VAV3: variants seen among roughly 807,000 people sequenced by gnomAD.
VAV3 encodes guanine nucleotide exchange factor VAV3.
A neutral mutation model predicts 131.2 loss-of-function variants in VAV3; 94 were observed. That is an observed-to-expected ratio of 0.72 (90% CI 0.61 to 0.85). The LOEUF (loss-of-function observed/expected upper bound fraction) is 0.85. Among genes scored for constraint, VAV3 ranks in the 40% least tolerant of loss-of-function variants. The probability of loss-of-function intolerance (pLI) is 0.00; values close to 1 mark genes in which losing one functional copy is unlikely to be tolerated. For synonymous variants in VAV3, 349 were observed against 342.0 expected, an observed-to-expected ratio of 1.02 and a Z score of -0.22; for missense variants, 939 against 1,002.7, an observed-to-expected ratio of 0.94 and a Z score of 0.86.
chr1:107,698,514 C>T (rs530225184), intron 17 of VAV3, among the ~76,000 whole-genome samples: 2 of 152,154 alleles, frequency 1.3e-5, no homozygotes, highest in African/African-American at 2.4e-5. Flanking sequence ...TTTTGACTTA[C>T]GATAGTTTCC....
intron 1 of VAV3, among the ~76,000 whole-genome samples, chr1:107,920,445 G>C (rs1672840179): frequency 6.6e-6 from 1 of 152,118 alleles, no homozygotes; most frequent in South Asian, 2.1e-4. Flanking sequence ...ACTTACGGGT[G>C]GTCCACCAAA....
chr1:107,724,791 C>T (rs1273842211), intron 15 of VAV3, among the ~76,000 whole-genome samples: 3 of 151,740 alleles, frequency 2.0e-5, no homozygotes, highest in Non-Finnish European at 4.4e-5. Flanking sequence ...CTGGAAGCTG[C>T]CAGGAAGGAA....
At chr1:107,636,320 A>G (rs1187792173) in intron 20 of VAV3, among the ~76,000 whole-genome samples, 1 of 152,216 alleles carries the variant, frequency 6.6e-6, no homozygotes, top group Non-Finnish European at 1.5e-5. Flanking sequence ...ATAATTCTAA[A>G]TATGTCTGGG....
intron 1 of VAV3, among the ~76,000 whole-genome samples, chr1:107,902,815 T>C (rs1277238064): frequency 6.6e-6 from 1 of 152,134 alleles, no homozygotes; most frequent in Non-Finnish European, 1.5e-5. Context: ...ATTTGTGCAG[T>C]CTCTTGATAT....
At chr1:107,910,818 A>G (rs1672330124) in intron 1 of VAV3, among the ~76,000 whole-genome samples, 1 of 152,092 alleles carries the variant, frequency 6.6e-6, no homozygotes, top group Non-Finnish European at 1.5e-5. Context: ...CATCTCTACT[A>G]AAAATACTAA....
intron 13 of VAV3, 57 bp from the exon 14 acceptor site, chr1:107,749,651 A>G: frequency 6.4e-7 from 1 of 1,568,374 alleles, no homozygotes; most frequent in African/African-American, 1.4e-5. Flanking sequence ...TGGGTTATTA[A>G]TTTTTTTGGG....
chr1:107,896,241 A>G (rs935143883), intron 1 of VAV3, among the ~76,000 whole-genome samples: 5 of 152,186 alleles, frequency 3.3e-5, no homozygotes, highest in African/African-American at 1.2e-4. Context: ...AAAGAAATCA[A>G]TTGATAAAGC....
At chr1:107,853,690 G>T (rs78699917) in intron 2 of VAV3, among the ~76,000 whole-genome samples, 3,418 of 152,036 alleles carry the variant, frequency 0.022, 117 homozygotes, top group African/African-American at 0.078. Flanking sequence ...AAAGAGAAAA[G>T]CCAGAGAAAC....
intron 1 of VAV3, among the ~76,000 whole-genome samples, chr1:107,881,861 T>C (rs1670798298): frequency 6.6e-6 from 1 of 152,158 alleles, no homozygotes; most frequent in African/African-American, 2.4e-5. Flanking sequence ...GTTAGCAATA[T>C]TGACGCTTAA....
chr1:107,620,941 C>T (rs533075818), intron 20 of VAV3, among the ~76,000 whole-genome samples: 3 of 152,154 alleles, frequency 2.0e-5, no homozygotes, highest in East Asian at 3.9e-4. Flanking sequence ...ATAAGAAATG[C>T]TCTAAAACTA....
At chr1:107,672,022 C>A (rs371888885) in intron 19 of VAV3, 3 of 152,054 alleles carry the variant, frequency 2.0e-5, no homozygotes, top group Non-Finnish European at 4.4e-5. Context: ...AATCCCAGCA[C>A]GCCGCAAGGC....
intron 15 of VAV3, 36 bp downstream of exon 15, chr1:107,748,932 A>G: frequency 6.9e-7 from 1 of 1,458,944 alleles, no homozygotes; most frequent in Non-Finnish European, 9.4e-7. Context: ...TTTAACTAGT[A>G]AAAATAAAAG....
chr1:107,940,534 C>T (rs1018720767), intron 1 of VAV3, among the ~76,000 whole-genome samples: 24 of 152,190 alleles, frequency 1.6e-4, no homozygotes, highest in African/African-American at 5.8e-4. Flanking sequence ...AGGATGCCTG[C>T]GAAACTATGC....
intron 25 of VAV3, among the ~76,000 whole-genome samples, chr1:107,580,368 G>A (rs1429852718): frequency 1.3e-5 from 2 of 152,080 alleles, no homozygotes; most frequent in Admixed American, 6.5e-5. Flanking sequence ...GTTCTATTCC[G>A]CAGGCTTCCT....
chr1:107,921,211 G>A (rs930005248), intron 1 of VAV3, among the ~76,000 whole-genome samples: 3 of 152,262 alleles, frequency 2.0e-5, no homozygotes, highest in Middle Eastern at 3.4e-3. Flanking sequence ...CGAAAGCCTG[G>A]CCTTAAGGAT....
At chr1:107,888,706 G>A (rs555790837) in intron 1 of VAV3, among the ~76,000 whole-genome samples, 27 of 152,048 alleles carry the variant, frequency 1.8e-4, no homozygotes, top group African/African-American at 5.3e-4. Context: ...TGATCCCCCC[G>A]CCTCGGCCTC....
At chr1:107,768,667 C>T (rs1303867427) in intron 6 of VAV3, among the ~76,000 whole-genome samples, 158 bp from the exon 7 acceptor site, 2 of 152,124 alleles carry the variant, frequency 1.3e-5, no homozygotes, top group Admixed American at 6.5e-5. Flanking sequence ...AACTTAAAGA[C>T]TTTACACTTG....
chr1:107,668,742 T>G, intron 19 of VAV3: 1 of 984,440 alleles, frequency 1.0e-6, no homozygotes, highest in South Asian at 4.7e-5. Flanking sequence ...AAATTTACCA[T>G]TAAATGAATG....
chr1:107,708,868 G>A (rs141989102), intron 15 of VAV3, among the ~76,000 whole-genome samples: 193 of 151,718 alleles, frequency 1.3e-3, no homozygotes, highest in African/African-American at 4.3e-3. Context: ...GACCAATTTC[G>A]GTCAATTCAA....
Sources: allele counts gnomAD v4.1 joint callset (sites outside exome capture counted in the v4.1 genomes callset), GRCh38; gene constraint gnomAD v4.1.1; transcripts MANE v1.5; gene names NCBI Gene and HGNC (gene_info 2026-07-23, HGNC 2026-07-21).